ITGB1: variants seen among roughly 807,000 people sequenced by gnomAD.
ITGB1 encodes integrin subunit beta 1.
ITGB1 carries 24 observed loss-of-function variants against 86.5 expected under a neutral mutation model. The observed-to-expected ratio is 0.28, with a 90% CI of 0.20 to 0.39. ITGB1 has a LOEUF of 0.39. ITGB1 is among the 10% of genes least tolerant of loss of function. The pLI is 1.00. For missense variants in ITGB1, 556 were observed against 946.9 expected, an observed-to-expected ratio of 0.59 and a Z score of 5.42; for synonymous variants, 323 against 316.8, an observed-to-expected ratio of 1.02 and a Z score of -0.21.
intron 15 of ITGB1, among the ~76,000 whole-genome samples, chr10:32,902,598 A>AT (rs896339507): frequency 6.6e-5 from 10 of 152,148 alleles, no homozygotes; most frequent in Non-Finnish European, 1.3e-4. Flanking sequence ...TACCAGGGAA[A>AT]TTTTTTTTAA....
At chr10:32,933,745 T>G (rs1044524582) in intron 2 of ITGB1, among the ~76,000 whole-genome samples, 6 of 152,202 alleles carry the variant, frequency 3.9e-5, no homozygotes, top group Non-Finnish European at 8.8e-5. Flanking sequence ...ATTATTTACA[T>G]GAAACTGAGG....
Position 32,920,283 on chromosome 10 carries a change from T to C in ITGB1, c.1231A>G (p.Asn411Asp). The change falls in exon 10 of 16, where the codon AAT (asparagine) becomes GAT (aspartate). Residue 411 changes from asparagine to aspartate, a missense_variant. Asn to Asp is a conservative substitution (Grantham distance 23). This residue lies in a region of ITGB1 where 330 missense variants were observed against 531.5 expected (regional missense o/e 0.62). Coordinates refer to ENST00000302278, the MANE Select transcript of ITGB1 (RefSeq NM_002211.4). ...GAAATATTGGAACATTTTCTTCCAT[T>C]TTCCCCTGTTCCATTCACCCCGTTC... is the stretch of plus-strand genomic sequence containing the variant. ...CKNGVNGTGENGRKCSNISIG... is the reference protein window; with the variant it reads ...CKNGVNGTGEDGRKCSNISIG... The C allele has an allele frequency of 6.2e-7, 1 of 1,613,700 alleles. No homozygotes were observed. Among genetic ancestry groups the C allele is most frequent in the Non-Finnish European group, 8.5e-7 (1 of 1,179,740 alleles).
chr10:32,914,638 A>C (rs2094925795), intron 11 of ITGB1, among the ~76,000 whole-genome samples: 1 of 152,230 alleles, frequency 6.6e-6, no homozygotes, highest in African/African-American at 2.4e-5. Context: ...ATATGCACCC[A>C]ATGCAGGAGC....
At chr10:32,955,762 T>C (rs1357608207) in intron 1 of ITGB1, 1 of 152,196 alleles carries the variant, frequency 6.6e-6, no homozygotes, top group Non-Finnish European at 1.5e-5. Context: ...TCGGGGCTGA[T>C]TTAAATTAAA....
rs1488273413 is a variant in ITGB1, at chr10:32,910,208, T to A, written c.2164+15A>T. 1.3e-6 allele frequency: 2 copies of A among 1,558,632 alleles called. No homozygotes were observed. The highest frequency in any genetic ancestry group is 1.8e-6 in the Non-Finnish European group (2 of 1,130,088). On this transcript the variant is annotated intron_variant, in intron 14 of 15. Coordinates refer to ENST00000302278, the MANE Select transcript of ITGB1 (RefSeq NM_002211.4). ...CAAGATATGAAAAGAATGTCTGCAA[T>A]CATCGCATTTCTACCTGGATTCTCC...
chr10:32,921,236 T>C (rs1344526368), intron 9 of ITGB1, among the ~76,000 whole-genome samples: 1 of 151,248 alleles, frequency 6.6e-6, no homozygotes, highest in African/African-American at 2.4e-5. Flanking sequence ...ATGAGACTAT[T>C]CAGGACAAAT....
Position 32,954,607 on chromosome 10 carries a change from A to G in ITGB1, c.-1+3538T>C, listed in dbSNP as rs1035881715. Among the ~76,000 whole-genome samples the G allele has an allele frequency of 2.0e-5, 3 of 152,334 alleles. No individual in the cohort carries two copies. The South Asian group carries it at 6.2e-4, about 32-fold the overall frequency. Reference sequence around the variant, plus strand: ...TAAAGTGATGAGATCAACAAACATAATAGTAGACCTAAAATTTTCTCCCTA... The same window carrying G: ...TAAAGTGATGAGATCAACAAACATAGTAGTAGACCTAAAATTTTCTCCCTA... On this transcript the variant is annotated intron_variant, in intron 1 of 15. Coordinates refer to ENST00000302278, the MANE Select transcript of ITGB1 (RefSeq NM_002211.4).
intron 3 of ITGB1, among the ~76,000 whole-genome samples, chr10:32,931,618 C>A (rs1369783592): frequency 6.6e-6 from 1 of 152,086 alleles, no homozygotes; most frequent in Non-Finnish European, 1.5e-5. Flanking sequence ...TAGAAAACAC[C>A]ATTAGAAAAT....
chr10:32,940,215 C>T (rs922761774), intron 1 of ITGB1, among the ~76,000 whole-genome samples: 17 of 151,874 alleles, frequency 1.1e-4, no homozygotes, highest in Non-Finnish European at 2.1e-4. Flanking sequence ...CGTGGTGGTG[C>T]GCATCTGTAG....
chr10:32,923,767 A>G, intron 6 of ITGB1, 27 bp from the exon 7 acceptor site: 5 of 1,596,962 alleles, frequency 3.1e-6, no homozygotes, highest in Non-Finnish European at 4.3e-6. Context: ...TTTCAATTTT[A>G]AAACACTATT....
intron 11 of ITGB1, among the ~76,000 whole-genome samples, chr10:32,914,562 C>CA (rs1334325962): frequency 2.0e-5 from 3 of 152,072 alleles, no homozygotes; most frequent in Non-Finnish European, 4.4e-5. Flanking sequence ...TCAAAAGGGA[C>CA]AAAGAACGCC....
chr10:32,929,373 A>C (rs2094975949), intron 4 of ITGB1, among the ~76,000 whole-genome samples: 1 of 152,202 alleles, frequency 6.6e-6, no homozygotes, highest in South Asian at 2.1e-4. Flanking sequence ...GTCGGAAACC[A>C]GAAAAGCGAG....
intron 1 of ITGB1, among the ~76,000 whole-genome samples, chr10:32,938,854 C>T (rs1023752007): frequency 6.6e-6 from 1 of 152,150 alleles, no homozygotes; most frequent in African/African-American, 2.4e-5. Flanking sequence ...GCTACAGGAC[C>T]AGGGGGCGGA....
At chr10:32,938,549 T>C (rs16933819) in intron 1 of ITGB1, among the ~76,000 whole-genome samples, 21,228 of 152,208 alleles carry the variant, frequency 0.14, 1,753 homozygotes, top group East Asian at 0.25. Context: ...TTTCCTTCTA[T>C]AAACCTTGAC....
chr10:32,942,741 G>A (rs1350382078), intron 1 of ITGB1, among the ~76,000 whole-genome samples: 1 of 149,820 alleles, frequency 6.7e-6, no homozygotes, highest in African/African-American at 2.4e-5. Context: ...CTGGAATGCA[G>A]TGGTGTGATC....
intron 11 of ITGB1, among the ~76,000 whole-genome samples, chr10:32,915,287 CTAGCAGAAGGCAAGAAA>C (rs917460452): frequency 6.6e-6 from 1 of 152,094 alleles, no homozygotes; most frequent in African/African-American, 2.4e-5. Context: ...CATTCAAAAG[CTAGCAGAAGGCAAGAAA>C]TAACTAAGAT....
intron 1 of ITGB1, among the ~76,000 whole-genome samples, chr10:32,957,491 T>C (rs2095054827): frequency 6.6e-6 from 1 of 152,130 alleles, no homozygotes; most frequent in Non-Finnish European, 1.5e-5. Context: ...GGAAGTGGAC[T>C]GCACTGCCGC....
At chr10:32,904,103 G>C (rs887502063) in intron 15 of ITGB1, among the ~76,000 whole-genome samples, 33 of 151,852 alleles carry the variant, frequency 2.2e-4, no homozygotes, top group Non-Finnish European at 4.6e-4. Context: ...AGAAAAATCT[G>C]TCTTGTCGTA....
intron 11 of ITGB1, among the ~76,000 whole-genome samples, chr10:32,913,742 T>G (rs1306802995): frequency 3.3e-5 from 5 of 152,208 alleles, no homozygotes; most frequent in Admixed American, 6.5e-5. Context: ...AAAACATTTT[T>G]CAGGATATTA....
Sources: allele counts gnomAD v4.1 joint callset (sites outside exome capture counted in the v4.1 genomes callset), GRCh38; gene constraint gnomAD v4.1.1; regional missense constraint gnomAD v4.1.1; transcripts MANE v1.5; gene names NCBI Gene and HGNC (gene_info 2026-07-23, HGNC 2026-07-21).